The following STRIP2 variants were observed in gnomAD, a reference collection of about 807,000 sequenced individuals.
The protein encoded by STRIP2 is striatin interacting protein 2.
Under a neutral mutation model 107.1 loss-of-function variants are expected in STRIP2, and 84 were observed. The observed-to-expected ratio is 0.78, with a 90% confidence interval of 0.66 to 0.94. STRIP2 has a LOEUF of 0.94. Ranked by LOEUF, STRIP2 falls within the 40% of genes least tolerant of loss-of-function variation. STRIP2 has a pLI of 0.00. For synonymous variants in STRIP2, 394 were observed against 400.4 expected (o/e 0.98, Z 0.19); for missense variants, 888 against 1,034.2 (o/e 0.86, Z 1.94).
rs184242952 is a variant in STRIP2, at chr7:129,488,258, T to C, written c.*2429T>C. ...TTCACCAGTCTCCAATGGTGATTAC[T>C]TTTACTACATAGAAAAACATTTTAG... On this transcript the variant is annotated 3_prime_UTR_variant, in exon 21 of 21. Coordinates refer to ENST00000249344, the MANE Select transcript of STRIP2 (RefSeq NM_020704.3). 1.3e-5 allele frequency: 2 copies of C among 152,796 alleles called. No homozygotes were observed. Among genetic ancestry groups the C allele is most frequent in the Admixed American group, 1.3e-4 (2 of 15,306 alleles). 9.5% of individuals were successfully genotyped at this position (152,796 alleles called of 1,614,324 possible). A position where few individuals can be genotyped will look rare whatever the true frequency, so the allele number is the denominator to read the frequency against.
chr7:129,464,700 C>G lies in STRIP2; in HGVS notation c.1738C>G (p.Leu580Val), dbSNP rs370372309. The G allele has an allele frequency of 6.2e-7, 1 of 1,614,158 alleles. No individual in the cohort carries two copies. Among genetic ancestry groups the G allele is most frequent in the Non-Finnish European group, 8.5e-7 (1 of 1,180,004 alleles). ...IVKSISTLLL[L>V]LLKHFKLNHI... ...AAAGAGTATCTCTACCCTGCTTCTG[C>G]TACTCCTCAAACACTTCAAACTCAA... The change falls in exon 16 of 21, where the codon CTA becomes GTA. Residue 580 changes from leucine to valine, a missense_variant. Leu to Val is a conservative substitution (Grantham distance 32). Coordinates refer to ENST00000249344, the MANE Select transcript of STRIP2 (RefSeq NM_020704.3).
rs1799162776 is a variant in STRIP2, at chr7:129,482,864, C to T, written c.2072C>T (p.Ala691Val). The T allele has an allele frequency of 6.2e-7, 1 of 1,614,106 alleles. No homozygotes were observed. Among genetic ancestry groups the T allele is most frequent in the Non-Finnish European group, 8.5e-7 (1 of 1,180,022 alleles). Residue 691 changes from alanine to valine, a missense_variant, in exon 20 of 21, where the codon GCA becomes GTA. Physicochemically the swap from Ala to Val is moderately conservative, Grantham distance 64. Transcript: ENST00000249344. ...RTMMLVVFKS[A>V]PILKRALKVK... ...CAGATGCTGGTAGTGTTTAAATCGG[C>T]ACCAATCTTAAAGCGGGCCCTCAAG... is the stretch of plus-strand genomic sequence containing the variant.
At chr7:129,471,201 G>A (rs1362598911) in intron 18 of STRIP2, among the ~76,000 whole-genome samples, 1 of 152,088 alleles carries the variant, frequency 6.6e-6, no homozygotes, top group Non-Finnish European at 1.5e-5. Flanking sequence ...GGATAGCCCA[G>A]AAAGTTTCTC....
At position 129,483,874 on chromosome 7, in the gene STRIP2, G is replaced by A. The variant is rs1433914025; in HGVS notation, c.2254+828G>A. ...ATCCTCCCAGCTGCCAAGTAGCTGGGACTACAGATGCATACCACCACTACA... is the reference window on the plus strand; with the variant it reads ...ATCCTCCCAGCTGCCAAGTAGCTGGAACTACAGATGCATACCACCACTACA... On this transcript the variant is annotated intron_variant, in intron 20 of 20. Transcript: ENST00000249344. The surrounding 1 kb of genome is among the most constrained non-coding windows in gnomAD (Gnocchi z 5.1). Among the ~76,000 whole-genome samples the A allele has an allele frequency of 6.6e-6, 1 of 152,002 alleles. No homozygotes were observed. Among genetic ancestry groups the A allele is most frequent in the East Asian group, 1.9e-4 (1 of 5,188 alleles).
intron 14 of STRIP2, 84 bp from the exon 15 acceptor site, chr7:129,463,960 T>A: frequency 1.9e-6 from 2 of 1,045,744 alleles, no homozygotes; most frequent in South Asian, 2.7e-5. Flanking sequence ...AAACACTTTT[T>A]ATAGGGCGGT....
intron 11 of STRIP2, 69 bp from the exon 12 acceptor site, chr7:129,459,448 G>C (rs923413351): frequency 2.2e-5 from 29 of 1,315,734 alleles, no homozygotes; most frequent in African/African-American, 1.2e-4. Context: ...TGACTCTAGG[G>C]GGGTATTGGG....
At chr7:129,450,847 T>C (rs1306976264) in intron 3 of STRIP2, among the ~76,000 whole-genome samples, 1 of 149,962 alleles carries the variant, frequency 6.7e-6, no homozygotes, top group Non-Finnish European at 1.5e-5. Flanking sequence ...AAGAGAAAAA[T>C]GCTGTGTCAG....
Position 129,434,532 on chromosome 7 carries a change from C to A in STRIP2, c.60C>A (p.Gly20=). The A allele has an allele frequency of 6.6e-7, 1 of 1,517,938 alleles. No homozygotes were observed. Among genetic ancestry groups the A allele is most frequent in the Non-Finnish European group, 8.8e-7 (1 of 1,140,244 alleles). 94.0% of individuals were successfully genotyped at this position (1,517,938 alleles called of 1,614,324 possible). The change falls in exon 1 of 21, where the codon GGC becomes GGA. Residue 20 remains glycine, a synonymous_variant. Transcript: ENST00000249344. ...GGPPANGNGN[G]GGKGKQAAPK... is the part of the protein sequence containing the mutation. Reference sequence around the variant, plus strand: ...CGCCCGCAAATGGCAATGGCAACGGCGGCGGCAAAGGGAAGCAGGCGGCGC... The same window carrying A: ...CGCCCGCAAATGGCAATGGCAACGGAGGCGGCAAAGGGAAGCAGGCGGCGC...
At chr7:129,434,715 C>G (rs1797684323) in intron 1 of STRIP2, 114 bp downstream of exon 1, 24 of 1,235,746 alleles carry the variant, frequency 1.9e-5, no homozygotes, top group South Asian at 1.3e-4. Flanking sequence ...ATCAGCCCCG[C>G]GCAGTGGGCG....
intron 13 of STRIP2, 117 bp downstream of exon 13, chr7:129,460,489 C>A: frequency 3.5e-6 from 3 of 853,014 alleles, no homozygotes; most frequent in Non-Finnish European, 3.8e-6. Context: ...GTGTTCCAGG[C>A]AAGACAAGGT....
At chr7:129,478,827 A>G (rs531201845) in intron 18 of STRIP2, among the ~76,000 whole-genome samples, 2 of 152,304 alleles carry the variant, frequency 1.3e-5, no homozygotes, top group African/African-American at 4.8e-5. Flanking sequence ...TGCTTCTACA[A>G]GGGGATGCCT....
chr7:129,436,397 A>C (rs1425074191), intron 1 of STRIP2, among the ~76,000 whole-genome samples: 8 of 152,242 alleles, frequency 5.3e-5, no homozygotes, highest in Non-Finnish European at 1.0e-4. Context: ...CTGAGAGTAC[A>C]GTCCTTTGCT....
chr7:129,483,406 A>T lies in STRIP2; in HGVS notation c.2254+360A>T. 1 of 787,406 alleles carries T rather than the reference A, an allele frequency of 1.3e-6. No homozygotes were observed. Among genetic ancestry groups the T allele is most frequent in the South Asian group, 4.9e-5 (1 of 20,510 alleles). The allele number at this position is 787,406 out of a possible 1,614,324, so 48.8% of individuals were successfully genotyped here. On this transcript the variant is annotated intron_variant, in intron 20 of 20. Transcript: ENST00000249344. This position sits in a 1 kb window ranked among gnomAD's most constrained non-coding sequence, Gnocchi z 5.1. ...AAAGATAGAAAATACAAGTAAACAA[A>T]CATTTTACTATATTATATTTATGCC... is the stretch of plus-strand genomic sequence containing the variant.
chr7:129,460,486 A>G (rs1317976618), intron 13 of STRIP2, 114 bp downstream of exon 13: 1 of 856,422 alleles, frequency 1.2e-6, no homozygotes, highest in Non-Finnish European at 1.9e-6. Context: ...ACTGTGTTCC[A>G]GGCAAGACAA....
chr7:129,464,049 T>C lies in STRIP2; in HGVS notation c.1557T>C (p.Ala519=), dbSNP rs1232344190. 6.2e-7 allele frequency: 1 copy of C among 1,613,490 alleles called. No individual in the cohort carries two copies. Among genetic ancestry groups the C allele is most frequent in the East Asian group, 2.2e-5 (1 of 44,878 alleles). The change falls in exon 15 of 21, where the codon GCT becomes GCC. Residue 519 remains alanine (A), a synonymous_variant. Transcript: ENST00000249344. ...MLYSLPQYMI[A]LLKILLAAAP... The stretch of plus-strand genomic sequence containing the variant: ...CTTTATTTTCTACTTCTCAGATCGC[T>C]CTGCTTAAGATTCTGCTGGCTGCAG...
intron 3 of STRIP2, among the ~76,000 whole-genome samples, chr7:129,447,018 C>T (rs1472688604): frequency 6.6e-6 from 1 of 152,170 alleles, no homozygotes; most frequent in African/African-American, 2.4e-5. Context: ...GGGCCTTGCT[C>T]CAAAATCCTA....
Position 129,464,593 on chromosome 7 carries a change from C to T in STRIP2, c.1650-19C>T, listed in dbSNP as rs1357606479. On this transcript the variant is annotated intron_variant, in intron 15 of 20. Coordinates refer to ENST00000249344, the MANE Select transcript of STRIP2 (RefSeq NM_020704.3). The stretch of plus-strand genomic sequence containing the variant: ...TTTAAGGCCACTCTCTGCACTAATA[C>T]CTTCTCTCCCCATTGTAGCATCACT... The T allele has an allele frequency of 6.2e-7, 1 of 1,613,642 alleles. No homozygotes were observed. Among genetic ancestry groups the T allele is most frequent in the Admixed American group, 1.7e-5 (1 of 59,984 alleles).
Position 129,485,669 on chromosome 7 carries a change from C to T in STRIP2, c.2345C>T (p.Pro782Leu). 6.2e-7 allele frequency: 1 copy of T among 1,613,936 alleles called. No homozygotes were observed. Among genetic ancestry groups the T allele is most frequent in the Non-Finnish European group, 8.5e-7 (1 of 1,180,002 alleles). Reference sequence around the variant, plus strand: ...TTTAACAGCCGTCGCTATGACAGACCCCAGGACTCTGAGTTTTCACCTGTG... The same window carrying T: ...TTTAACAGCCGTCGCTATGACAGACTCCAGGACTCTGAGTTTTCACCTGTG... ...EAFNSRRYDR[P>L]QDSEFSPVDN... Residue 782 changes from proline (P) to leucine (L), a missense_variant, in exon 21 of 21, where the codon CCC becomes CTC. By Grantham distance (98) the Pro-to-Leu change is moderately conservative. Transcript: ENST00000249344.
chr7:129,451,452 C>T (rs1200706492), intron 3 of STRIP2, among the ~76,000 whole-genome samples, 161 bp from the exon 4 acceptor site: 1 of 152,122 alleles, frequency 6.6e-6, no homozygotes, highest in African/African-American at 2.4e-5. Context: ...CATTTTGGGT[C>T]CTTTTCCCAT....
Sources: allele counts gnomAD v4.1 joint callset (sites outside exome capture counted in the v4.1 genomes callset), GRCh38; gene constraint gnomAD v4.1.1; non-coding constraint Gnocchi (gnomAD v3.1); transcripts MANE v1.5; gene names NCBI Gene and HGNC (gene_info 2026-07-23, HGNC 2026-07-21).